Variants in ENOX2 observed in about 807,000 individuals in gnomAD.
The protein encoded by ENOX2 is APK1 antigen.
In ENOX2, 36 loss-of-function variants were observed where a neutral mutation model predicts 45.0. That is an observed-to-expected ratio of 0.80 (90% confidence interval 0.61 to 1.06). ENOX2 has a LOEUF of 1.06. Among genes scored for constraint, ENOX2 ranks in the 50% least tolerant of loss-of-function variants. The pLI, the probability that ENOX2 is intolerant of heterozygous loss-of-function variation, is 0.00. For missense variants in ENOX2, 423 were observed against 462.5 expected (o/e 0.91, Z 0.78); for synonymous variants, 174 against 152.3 (o/e 1.14, Z -1.05).
chrX:130,666,836 T>C (rs1347322809), intron 8 of ENOX2, among the ~76,000 whole-genome samples: 1 of 111,987 alleles, frequency 8.9e-6, no homozygotes, highest in African/African-American at 3.2e-5. Context: ...ATTATACCCT[T>C]ATTCTTAAGG....
intron 3 of ENOX2, among the ~76,000 whole-genome samples, chrX:130,760,612 C>T (rs752325527): frequency 4.7e-5 from 5 of 106,885 alleles, no homozygotes; most frequent in Non-Finnish European, 9.6e-5. Flanking sequence ...ATGGTGAAAC[C>T]TTGTCTCTAC....
intron 3 of ENOX2, among the ~76,000 whole-genome samples, chrX:130,747,309 T>C (rs1199276199): frequency 9.0e-6 from 1 of 111,286 alleles, no homozygotes; most frequent in African/African-American, 3.3e-5. Context: ...AATTAGCACT[T>C]AGCAGAAAGT....
At chrX:130,659,335 T>A (rs1015028236) in intron 9 of ENOX2, among the ~76,000 whole-genome samples, 7 of 112,203 alleles carry the variant, frequency 6.2e-5, no homozygotes, top group Non-Finnish European at 1.3e-4. Flanking sequence ...AAGTGAGCTA[T>A]TTAGTATCAT....
chrX:130,733,350 CTTT>C (rs34420863), intron 3 of ENOX2, among the ~76,000 whole-genome samples: 1 of 99,872 alleles, frequency 1.0e-5, no homozygotes. Context: ...GTTAGAATGG[CTTT>C]TTTTTTTTTT....
At chrX:130,843,177 T>C (rs573442619) in intron 2 of ENOX2, among the ~76,000 whole-genome samples, 1 of 111,383 alleles carries the variant, frequency 9.0e-6, no homozygotes, top group East Asian at 2.8e-4. Context: ...CCTCTCGTGT[T>C]CTCCAAGTCA....
intron 4 of ENOX2, among the ~76,000 whole-genome samples, chrX:130,695,818 CT>C (rs1380884823): frequency 9.0e-6 from 1 of 111,393 alleles, no homozygotes; most frequent in African/African-American, 3.3e-5. Flanking sequence ...TACATAGTTT[CT>C]TTAAAAGACT....
chrX:130,872,999 G>A (rs1188449087), intron 2 of ENOX2, among the ~76,000 whole-genome samples: 1 of 111,846 alleles, frequency 8.9e-6, no homozygotes, highest in African/African-American at 3.3e-5. Context: ...AAGACTTCAT[G>A]AATAAAACAC....
Position 130,761,618 on chromosome X carries a change from G to A in ENOX2, c.-39+21929C>T, listed in dbSNP as rs147301234. Among the ~76,000 whole-genome samples, 15 of 111,755 alleles carry A rather than the reference G, an allele frequency of 1.3e-4. No individual in the cohort carries two copies. In the East Asian group the frequency reaches 4.2e-3, roughly 31 times the overall value. ...TGCTGGCATCTGCTTTGCCTCTGGG[G>A]AGGCCTTAGTGAGCTTTTACTCATG... On this transcript the variant is annotated intron_variant, in intron 3 of 14. Coordinates refer to ENST00000394363, the MANE Select transcript of ENOX2 (RefSeq NM_006375.4).
intron 2 of ENOX2, among the ~76,000 whole-genome samples, chrX:130,791,620 A>C (rs897341964): frequency 4.5e-5 from 5 of 111,921 alleles, no homozygotes; most frequent in Non-Finnish European, 7.5e-5. Flanking sequence ...TAACTACATC[A>C]TAAGTCAAGG....
chrX:130,744,945 C>A (rs1459030483), intron 3 of ENOX2, among the ~76,000 whole-genome samples: 1 of 111,049 alleles, frequency 9.0e-6, no homozygotes, highest in Non-Finnish European at 1.9e-5. Flanking sequence ...GTGAATTGTG[C>A]ATGTGAAGGA....
At chrX:130,756,952 G>A (rs750206580) in intron 3 of ENOX2, among the ~76,000 whole-genome samples, 50 of 112,535 alleles carry the variant, frequency 4.4e-4, no homozygotes, top group African/African-American at 1.3e-3. Flanking sequence ...AGGCAATAAT[G>A]TACCCTGTAC....
rs2035477669 is a variant in ENOX2, at chrX:130,623,802, G to C, written c.*1512C>G. On this transcript the variant is annotated 3_prime_UTR_variant, in exon 15 of 15. Transcript: ENST00000394363. ...TGTTTCCAGTTGTCAAGACAGACTT[G>C]GCATCTTTTTCCAACATTCTAGTAA... 1 of 111,302 alleles carries C rather than the reference G, an allele frequency of 9.0e-6. No homozygotes were observed. Among genetic ancestry groups the C allele is most frequent in the African/African-American group, 3.3e-5 (1 of 30,535 alleles). 9.2% of individuals were successfully genotyped at this position (111,302 alleles called of 1,213,427 possible).
intron 4 of ENOX2, among the ~76,000 whole-genome samples, chrX:130,696,630 T>C (rs1361251368): frequency 5.4e-5 from 6 of 112,115 alleles, no homozygotes; most frequent in African/African-American, 9.7e-5. Context: ...CATTTTGCCA[T>C]AAACGGGTCC....
chrX:130,745,782 C>T (rs977110711), intron 3 of ENOX2, among the ~76,000 whole-genome samples: 5 of 111,946 alleles, frequency 4.5e-5, no homozygotes, highest in African/African-American at 1.6e-4. Context: ...TAAAGCAATG[C>T]AGTGAATTTC....
At chrX:130,812,221 C>T (rs754874479) in intron 2 of ENOX2, among the ~76,000 whole-genome samples, 16 of 111,423 alleles carry the variant, frequency 1.4e-4, no homozygotes, top group African/African-American at 4.6e-4. Context: ...GATCAAAAGT[C>T]TCAAATCAGA....
chrX:130,670,869 C>T (rs1227230766), intron 6 of ENOX2, among the ~76,000 whole-genome samples: 1 of 110,962 alleles, frequency 9.0e-6, no homozygotes, highest in Non-Finnish European at 1.9e-5. Flanking sequence ...CATACCTCCT[C>T]TTTCTGTGCC....
chrX:130,890,002 A>G (rs1012496154), intron 2 of ENOX2, among the ~76,000 whole-genome samples: 53 of 112,858 alleles, frequency 4.7e-4, no homozygotes, highest in Admixed American at 1.9e-4. Flanking sequence ...CACATTGGTA[A>G]GAAAGGAACA....
Position 130,662,295 on chromosome X carries a change from C to T in ENOX2, c.1014+3348G>A, listed in dbSNP as rs186353888. On this transcript the variant is annotated intron_variant, in intron 9 of 14. Transcript: ENST00000394363. Reference sequence around the variant, plus strand: ...AGTCAGTGTCTAAGCTCCCCAAAGGCGGAAACTTTTTCTTCATACTCCACA... The same window carrying T: ...AGTCAGTGTCTAAGCTCCCCAAAGGTGGAAACTTTTTCTTCATACTCCACA... Among the ~76,000 whole-genome samples, 441 of 112,193 alleles carry T rather than the reference C, an allele frequency of 3.9e-3. 2 individuals are homozygous for T. Among genetic ancestry groups the T allele is most frequent in the African/African-American group, 0.014 (427 of 30,923 alleles).
intron 3 of ENOX2, among the ~76,000 whole-genome samples, chrX:130,711,909 T>C (rs781611134): frequency 3.8e-3 from 417 of 110,968 alleles, no homozygotes; most frequent in Non-Finnish European, 6.2e-3. Flanking sequence ...GAGGGCGTGG[T>C]ATAGTGAGGA....
Sources: gnomAD v4.1 joint callset for allele counts (sites outside exome capture counted in the v4.1 genomes callset) on GRCh38, gnomAD v4.1.1 for gene constraint, MANE v1.5 for transcripts, NCBI Gene and HGNC (gene_info 2026-07-23, HGNC 2026-07-21) for gene names.